Variants in ZCWPW2 observed in about 807,000 individuals in gnomAD.
ZCWPW2 encodes the protein zinc finger CW-type and PWWP domain containing 2.
In ZCWPW2, 45 loss-of-function variants were observed where a neutral mutation model predicts 46.6. The observed-to-expected ratio is 0.96, with a 90% confidence interval of 0.76 to 1.24. ZCWPW2 has a LOEUF of 1.24. ZCWPW2 is among the 50% of genes most tolerant of loss of function. ZCWPW2 has a pLI of 0.00. For synonymous variants in ZCWPW2, 152 were observed against 137.1 expected, an observed-to-expected ratio of 1.11 and a Z score of -0.76; for missense variants, 429 against 403.9, an observed-to-expected ratio of 1.06 and a Z score of -0.53.
intron 3 of ZCWPW2, among the ~76,000 whole-genome samples, chr3:28,431,139 CATG>C (rs1296076314): frequency 1.3e-5 from 2 of 152,046 alleles, no homozygotes; most frequent in Non-Finnish European, 2.9e-5. Flanking sequence ...TTCTTTACAG[CATG>C]ATATGTATAC....
chr3:28,411,268 G>T (rs191141566), intron 2 of ZCWPW2, among the ~76,000 whole-genome samples: 2 of 151,744 alleles, frequency 1.3e-5, no homozygotes, highest in Admixed American at 1.3e-4. Context: ...CATTTTAAAA[G>T]AAATCCATAT....
chr3:28,349,170 G>A lies in ZCWPW2; in HGVS notation c.-167G>A, dbSNP rs1398085809. 2.0e-6 allele frequency: 2 copies of A among 985,562 alleles called. No individual in the cohort carries two copies. The highest frequency in any genetic ancestry group is 2.4e-6 in the Non-Finnish European group (2 of 830,168). 61.1% of individuals were successfully genotyped at this position (985,562 alleles called of 1,614,324 possible). A position where few individuals can be genotyped will look rare whatever the true frequency, so the allele number is the denominator to read the frequency against. On this transcript the variant is annotated 5_prime_UTR_variant, in exon 1 of 10. Coordinates refer to ENST00000383768, the MANE Select transcript of ZCWPW2 (RefSeq NM_001040432.4). The stretch of plus-strand genomic sequence containing the variant: ...CCGCGGCGGGACGGGGCGGGGCCGC[G>A]GGACGCCAGGAGGCGGAGGCGGAGT...
chr3:28,400,706 G>A (rs2125727502), intron 2 of ZCWPW2, among the ~76,000 whole-genome samples: 1 of 152,260 alleles, frequency 6.6e-6, no homozygotes, highest in Non-Finnish European at 1.5e-5. Flanking sequence ...CATATATGAA[G>A]GAAAGATACA....
intron 3 of ZCWPW2, among the ~76,000 whole-genome samples, chr3:28,431,155 T>C: frequency 6.6e-6 from 1 of 152,222 alleles, no homozygotes; most frequent in East Asian, 1.9e-4. Context: ...ATGTATACTT[T>C]CTTTAGATTT....
chr3:28,356,816 G>C (rs555665620), intron 1 of ZCWPW2, among the ~76,000 whole-genome samples: 1 of 152,208 alleles, frequency 6.6e-6, no homozygotes, highest in Non-Finnish European at 1.5e-5. Flanking sequence ...AGAACACTTG[G>C]ACACAGGGTA....
intron 3 of ZCWPW2, among the ~76,000 whole-genome samples, chr3:28,434,463 CAT>C (rs1307263658): frequency 6.6e-6 from 1 of 152,132 alleles, no homozygotes; most frequent in Non-Finnish European, 1.5e-5. Context: ...CATGAAATAA[CAT>C]ATCTCTAAAT....
At chr3:28,493,436 G>T (rs1175037303) in intron 6 of ZCWPW2, among the ~76,000 whole-genome samples, 1 of 111,152 alleles carries the variant, frequency 9.0e-6, no homozygotes, top group African/African-American at 3.1e-5. Context: ...TACTGAGAAT[G>T]ATGGTTTCCA....
At chr3:28,349,299 G>A (rs536726857) in intron 1 of ZCWPW2, 96 bp downstream of exon 1, 4 of 775,692 alleles carry the variant, frequency 5.2e-6, no homozygotes, top group East Asian at 2.5e-4. Context: ...CTTTTGGGGG[G>A]TCCCCGGGCC....
chr3:28,358,905 C>A (rs1559472172), intron 1 of ZCWPW2, among the ~76,000 whole-genome samples: 1 of 151,860 alleles, frequency 6.6e-6, no homozygotes, highest in Non-Finnish European at 1.5e-5. Context: ...GTTTTCCTAA[C>A]AATTTAATTT....
chr3:28,446,317 G>T (rs1008977932), intron 4 of ZCWPW2, among the ~76,000 whole-genome samples: 6 of 151,990 alleles, frequency 3.9e-5, no homozygotes, highest in Non-Finnish European at 5.9e-5. Context: ...TAGATATAAG[G>T]CAGAGTATTA....
At chr3:28,430,695 T>G (rs566213866) in intron 3 of ZCWPW2, among the ~76,000 whole-genome samples, 1 of 152,260 alleles carries the variant, frequency 6.6e-6, no homozygotes, top group South Asian at 2.1e-4. Context: ...GGTGGGACCT[T>G]GTGGGAGGTG....
At chr3:28,376,665 C>T (rs1414245494) in intron 1 of ZCWPW2, among the ~76,000 whole-genome samples, 2 of 152,068 alleles carry the variant, frequency 1.3e-5, no homozygotes, top group African/African-American at 2.4e-5. Context: ...GGATATTGCT[C>T]ATCGTAATCT....
At chr3:28,360,636 C>T (rs1182824125) in intron 1 of ZCWPW2, among the ~76,000 whole-genome samples, 2 of 151,248 alleles carry the variant, frequency 1.3e-5, no homozygotes, top group Non-Finnish European at 2.9e-5. Flanking sequence ...TAATATACAT[C>T]CCTCAGTAAC....
intron 4 of ZCWPW2, among the ~76,000 whole-genome samples, chr3:28,472,607 C>A (rs1231622178): frequency 6.6e-6 from 1 of 152,162 alleles, no homozygotes; most frequent in Non-Finnish European, 1.5e-5. Context: ...AGACCTCAAA[C>A]TATGAAACTA....
chr3:28,422,206 TC>T (rs1696820150), intron 3 of ZCWPW2, among the ~76,000 whole-genome samples: 1 of 152,114 alleles, frequency 6.6e-6, no homozygotes, highest in Non-Finnish European at 1.5e-5. Flanking sequence ...CATTCACTTA[TC>T]ATTATCAATG....
intron 2 of ZCWPW2, among the ~76,000 whole-genome samples, chr3:28,409,122 C>CTTTTTTTTTTTTTTTT (rs11328735): frequency 7.3e-5 from 6 of 82,314 alleles, no homozygotes; most frequent in Admixed American, 1.5e-4. Flanking sequence ...TTTTCTTTTT[C>CTTTTTTTTTTTTTTTT]TTTTTTTTTT....
intron 2 of ZCWPW2, among the ~76,000 whole-genome samples, chr3:28,406,634 C>G (rs1696171457): frequency 6.6e-6 from 1 of 150,596 alleles, no homozygotes; most frequent in Non-Finnish European, 1.5e-5. Context: ...TTTAAACAGA[C>G]AATGACTCCT....
intron 1 of ZCWPW2, among the ~76,000 whole-genome samples, chr3:28,363,191 C>T (rs1301442209): frequency 3.9e-5 from 6 of 151,904 alleles, no homozygotes; most frequent in African/African-American, 1.5e-4. Context: ...CTAACATGTA[C>T]CCCTGAACCT....
At chr3:28,431,548 A>AT (rs1697259638) in intron 3 of ZCWPW2, among the ~76,000 whole-genome samples, 1 of 152,088 alleles carries the variant, frequency 6.6e-6, no homozygotes, top group Non-Finnish European at 1.5e-5. Flanking sequence ...TAATGAACTC[A>AT]TTTTAACGTC....
Sources: gnomAD v4.1 joint callset for allele counts (sites outside exome capture counted in the v4.1 genomes callset) on GRCh38, gnomAD v4.1.1 for gene constraint, MANE v1.5 for transcripts, NCBI Gene and HGNC (gene_info 2026-07-23, HGNC 2026-07-21) for gene names.